The following GFRA1 variants were observed in gnomAD, a reference collection of about 807,000 sequenced individuals.
GFRA1 encodes GDNF family receptor alpha-1.
Under a neutral mutation model 51.6 loss-of-function variants are expected in GFRA1, and 16 were observed. That is an observed-to-expected ratio of 0.31 (90% CI 0.21 to 0.47). The LOEUF (loss-of-function observed/expected upper bound fraction) is 0.47, where lower values mean the gene tolerates loss of function less well. Ranked by LOEUF, GFRA1 falls within the 20% of genes least tolerant of loss-of-function variation. The pLI is 1.00. For synonymous variants in GFRA1, 270 were observed against 241.3 expected, an observed-to-expected ratio of 1.12 and a Z score of -1.10; for missense variants, 530 against 594.3, an observed-to-expected ratio of 0.89 and a Z score of 1.13.
chr10:116,185,371 C>T (rs1962605933), intron 5 of GFRA1, among the ~76,000 whole-genome samples: 1 of 152,124 alleles, frequency 6.6e-6, no homozygotes, highest in Non-Finnish European at 1.5e-5. Context: ...GTGCCACCCA[C>T]ATTAATTGTG....
intron 4 of GFRA1, among the ~76,000 whole-genome samples, chr10:116,230,643 T>C (rs568023326): frequency 6.6e-6 from 1 of 152,150 alleles, no homozygotes; most frequent in South Asian, 2.1e-4. Context: ...ATTGAGCAAC[T>C]GTTAGACAGA....
At chr10:116,178,470 A>G (rs1201137460) in intron 5 of GFRA1, among the ~76,000 whole-genome samples, 1 of 152,232 alleles carries the variant, frequency 6.6e-6, no homozygotes, top group Non-Finnish European at 1.5e-5. Context: ...CAAAGTAGGT[A>G]CTCGGCGAGT....
chr10:116,261,242 A>C (rs1249167340), intron 4 of GFRA1, among the ~76,000 whole-genome samples: 2 of 152,198 alleles, frequency 1.3e-5, no homozygotes, highest in East Asian at 3.9e-4. Flanking sequence ...GCAAACACCT[A>C]ATTTTACTTG....
intron 5 of GFRA1, among the ~76,000 whole-genome samples, chr10:116,173,178 T>G (rs532293800): frequency 1.3e-5 from 2 of 152,216 alleles, no homozygotes; most frequent in East Asian, 3.9e-4. Context: ...CACTTCCACA[T>G]AGATGATTCC....
intron 5 of GFRA1, among the ~76,000 whole-genome samples, chr10:116,127,448 C>CTCTA (rs1031687819): frequency 1.3e-5 from 2 of 152,188 alleles, no homozygotes; most frequent in African/African-American, 2.4e-5. Flanking sequence ...TTTTATTGTG[C>CTCTA]TCTAGGTTCA....
chr10:116,141,931 C>G (rs990417706), intron 5 of GFRA1, among the ~76,000 whole-genome samples: 3 of 152,006 alleles, frequency 2.0e-5, no homozygotes, highest in Admixed American at 1.3e-4. Flanking sequence ...AGGTGCCAGG[C>G]TGGTAAATAA....
At chr10:116,265,578 T>C (rs1179326705) in intron 4 of GFRA1, among the ~76,000 whole-genome samples, 3 of 152,198 alleles carry the variant, frequency 2.0e-5, no homozygotes, top group Non-Finnish European at 2.9e-5. Flanking sequence ...AAATCCCTGT[T>C]TACTTCTGTG....
intron 6 of GFRA1, among the ~76,000 whole-genome samples, chr10:116,107,266 C>G (rs1156345785): frequency 2.0e-5 from 3 of 152,190 alleles, no homozygotes; most frequent in East Asian, 3.9e-4. Flanking sequence ...TACCTCATCA[C>G]AGCTGGTGTC....
intron 4 of GFRA1, among the ~76,000 whole-genome samples, chr10:116,245,965 G>T (rs1034381879): frequency 6.6e-6 from 1 of 152,162 alleles, no homozygotes; most frequent in African/African-American, 2.4e-5. Flanking sequence ...AGGTTTTAGG[G>T]CAGTGACACT....
At chr10:116,163,601 G>A (rs867338715) in intron 5 of GFRA1, among the ~76,000 whole-genome samples, 1 of 152,156 alleles carries the variant, frequency 6.6e-6, no homozygotes, top group Non-Finnish European at 1.5e-5. Flanking sequence ...CACCATCCCC[G>A]CGGGCTGTGC....
At chr10:116,194,052 AAATAAATAAAATTT>A (rs1963514672) in intron 5 of GFRA1, among the ~76,000 whole-genome samples, 2 of 75,612 alleles carry the variant, frequency 2.6e-5, no homozygotes, top group South Asian at 6.9e-4. Context: ...AAAAAAAAAT[AAATAAATAAAATTT>A]AAAAAAAAAA....
At chr10:116,161,058 G>A (rs1265230853) in intron 5 of GFRA1, among the ~76,000 whole-genome samples, 1 of 152,204 alleles carries the variant, frequency 6.6e-6, no homozygotes, top group East Asian at 1.9e-4. Context: ...GGAGGAGCCT[G>A]GGAGGCAGAA....
intron 4 of GFRA1, among the ~76,000 whole-genome samples, chr10:116,236,583 C>A (rs553721503): frequency 1.7e-4 from 26 of 152,210 alleles, no homozygotes; most frequent in African/African-American, 5.8e-4. Context: ...ATTGAATAAA[C>A]CCCTAATGTA....
chr10:116,207,755 A>C, intron 5 of GFRA1, among the ~76,000 whole-genome samples: 1 of 152,294 alleles, frequency 6.6e-6, no homozygotes, highest in Admixed American at 6.5e-5. Context: ...GCCAGCCTTA[A>C]GGACAGCAGA....
At chr10:116,223,286 A>G (rs1267828882) in intron 4 of GFRA1, among the ~76,000 whole-genome samples, 1 of 152,230 alleles carries the variant, frequency 6.6e-6, no homozygotes, top group African/African-American at 2.4e-5. Flanking sequence ...AGCAGGATCA[A>G]TGTTTACCAT....
At chr10:116,194,934 A>C (rs1963604318) in intron 5 of GFRA1, among the ~76,000 whole-genome samples, 1 of 152,188 alleles carries the variant, frequency 6.6e-6, no homozygotes, top group African/African-American at 2.4e-5. Context: ...TTCTGTAAAG[A>C]GCCAGGCAAT....
At chr10:116,075,911 A>AT (rs1284381003) in intron 9 of GFRA1, among the ~76,000 whole-genome samples, 4 of 151,814 alleles carry the variant, frequency 2.6e-5, no homozygotes, top group African/African-American at 9.7e-5. Context: ...TGCCCGGCTA[A>AT]TTTTTTGTAT....
intron 5 of GFRA1, among the ~76,000 whole-genome samples, chr10:116,160,661 T>C (rs951373181): frequency 6.6e-6 from 1 of 152,232 alleles, no homozygotes; most frequent in African/African-American, 2.4e-5. Context: ...ATAACTGTCC[T>C]AAATGGGTTG....
chr10:116,178,298 C>CCGAG, intron 5 of GFRA1, among the ~76,000 whole-genome samples: 1 of 34,786 alleles, frequency 2.9e-5, no homozygotes, highest in South Asian at 9.9e-4. Flanking sequence ...CCACAAGGGG[C>CCGAG]CGGGGGGGCG....
Sources: allele counts gnomAD v4.1 joint callset (sites outside exome capture counted in the v4.1 genomes callset), GRCh38; gene constraint gnomAD v4.1.1; transcripts MANE v1.5; gene names NCBI Gene and HGNC (gene_info 2026-07-23, HGNC 2026-07-21).